EBF1: variants seen among roughly 807,000 people sequenced by gnomAD.
EBF1 encodes the protein transcription factor COE1.
In EBF1, 10 loss-of-function variants were observed where a neutral mutation model predicts 68.4. The ratio of observed to expected loss-of-function variants is 0.15; its 90% confidence interval spans 0.09 to 0.25. The LOEUF is 0.25. Among genes scored for constraint, EBF1 ranks in the 10% least tolerant of loss-of-function variants. The probability of loss-of-function intolerance (pLI) is 1.00; values close to 1 mark genes in which losing one functional copy is unlikely to be tolerated. For synonymous variants in EBF1, 298 were observed against 299.8 expected, an observed-to-expected ratio of 0.99 and a Z score of 0.06; for missense variants, 509 against 794.4, an observed-to-expected ratio of 0.64 and a Z score of 4.32.
intron 6 of EBF1, among the ~76,000 whole-genome samples, chr5:158,943,153 C>T (rs977174030): frequency 5.9e-5 from 9 of 152,150 alleles, no homozygotes; most frequent in South Asian, 2.1e-4. Context: ...AGTCATCTGA[C>T]GAATTGAATC....
intron 6 of EBF1, among the ~76,000 whole-genome samples, chr5:159,039,728 C>T (rs1269080029): frequency 2.0e-5 from 3 of 152,168 alleles, no homozygotes; most frequent in Admixed American, 6.5e-5. Flanking sequence ...TTCTCAAGGG[C>T]CCTGGGAAGA....
chr5:158,990,717 A>G (rs1760135683), intron 6 of EBF1, among the ~76,000 whole-genome samples: 1 of 152,156 alleles, frequency 6.6e-6, no homozygotes, highest in South Asian at 2.1e-4. Flanking sequence ...ATCCACAGTA[A>G]CTCTTAATGG....
intron 5 of EBF1, among the ~76,000 whole-genome samples, chr5:159,083,684 C>T (rs1028929367): frequency 1.3e-5 from 2 of 152,322 alleles, no homozygotes; most frequent in East Asian, 1.9e-4. Flanking sequence ...GCAAATAAAG[C>T]CCATCCATGC....
rs1562086532 is a variant in EBF1 at position 158,840,666 on chromosome 5, TTTTTTTG to T, written c.555-563_555-557del. ...TCCTGTTTTTTTTTTTTTTTTTTTTTTTTTTTGTTTTTTTTTTTTTTTTGAGACGGAG... is the reference window on the plus strand; with the variant it reads ...TCCTGTTTTTTTTTTTTTTTTTTTTTTTTTTTTTTTTTTTTTGAGACGGAG... On this transcript the variant is annotated intron_variant, in intron 6 of 15. Transcript: ENST00000313708. 8.0e-4 allele frequency among the ~76,000 whole-genome samples: 58 copies of T among 72,250 alleles called. 7 individuals carry two copies. Among genetic ancestry groups the T allele is most frequent in the Non-Finnish European group, 1.3e-3 (42 of 33,092 alleles). The allele number at this position is 72,250 out of a possible 152,430, so 47.4% of individuals were successfully genotyped here. A position where few individuals can be genotyped will look rare whatever the true frequency, so the allele number is the denominator to read the frequency against.
At chr5:158,965,117 G>C (rs1753852743) in intron 6 of EBF1, among the ~76,000 whole-genome samples, 1 of 152,172 alleles carries the variant, frequency 6.6e-6, no homozygotes, top group Non-Finnish European at 1.5e-5. Flanking sequence ...CGTTATGTAA[G>C]TTTTGTGCTC....
intron 11 of EBF1, among the ~76,000 whole-genome samples, chr5:158,715,609 G>A (rs1760495063): frequency 6.6e-6 from 1 of 152,182 alleles, no homozygotes; most frequent in South Asian, 2.1e-4. Context: ...TATTTTTCAT[G>A]TAGGGAGTAA....
chr5:158,796,591 T>C (rs1186657223), intron 8 of EBF1, 116 bp from the exon 9 acceptor site: 3 of 1,263,292 alleles, frequency 2.4e-6, no homozygotes, highest in East Asian at 5.1e-5. Flanking sequence ...TAACAGAAAG[T>C]CCCTCAAGAT....
chr5:158,752,986 T>C (rs760254685), intron 10 of EBF1, among the ~76,000 whole-genome samples: 29 of 152,106 alleles, frequency 1.9e-4, no homozygotes, highest in Non-Finnish European at 3.5e-4. Flanking sequence ...AGAAAGGGTA[T>C]GTTCTTTAAA....
intron 1 of EBF1, among the ~76,000 whole-genome samples, chr5:159,098,579 G>A (rs1266836801): frequency 6.6e-6 from 1 of 151,666 alleles, no homozygotes; most frequent in Admixed American, 6.6e-5. Context: ...GAGGGAAGCT[G>A]AAGAAAGAAG....
chr5:158,731,217 G>A (rs1385743834), intron 10 of EBF1, 60 bp from the exon 11 acceptor site: 70 of 1,493,310 alleles, frequency 4.7e-5, no homozygotes, highest in Non-Finnish European at 6.3e-5. Flanking sequence ...AACATGGCTT[G>A]CAACACTAAT....
At chr5:158,735,039 A>G (rs1192576829) in intron 10 of EBF1, among the ~76,000 whole-genome samples, 4 of 152,210 alleles carry the variant, frequency 2.6e-5, no homozygotes, top group Admixed American at 2.0e-4. Flanking sequence ...TAAATTATCC[A>G]TTTATTCAGT....
rs143293628 is a variant in EBF1, at chr5:158,795,424, A to G, written c.909+921T>C. Among the ~76,000 whole-genome samples, 457 of 152,348 alleles carry G rather than the reference A, an allele frequency of 3.0e-3. 2 individuals are homozygous for G. The highest frequency in any genetic ancestry group is 5.0e-3 in the Non-Finnish European group (340 of 68,030). ...AAAGAAGGGTGAGATGATCTACCTC[A>G]AGGTTTAGCACATTGCCTAGCATAT... On this transcript the variant is annotated intron_variant, in intron 9 of 15. Coordinates refer to ENST00000313708, the MANE Select transcript of EBF1 (RefSeq NM_024007.5).
rs78903366 is a variant in EBF1 at position 158,695,989 on chromosome 5, A to C, written c.*3122T>G. On this transcript the variant is annotated 3_prime_UTR_variant, in exon 16 of 16. Transcript: ENST00000313708. ...AAGTTTTTACAGCTTGAATTTTTGC[A>C]AAAAAAAAAAAAAAATTTAACAATC... is the stretch of plus-strand genomic sequence containing the variant. The C allele has an allele frequency of 3.0e-5, 3 of 99,080 alleles. No individual in the cohort carries two copies. Among genetic ancestry groups the C allele is most frequent in the African/African-American group, 6.8e-5 (1 of 14,716 alleles). 6.1% of individuals were successfully genotyped at this position (99,080 alleles called of 1,614,324 possible).
intron 6 of EBF1, among the ~76,000 whole-genome samples, chr5:158,942,743 C>T (rs1813709024): frequency 6.6e-6 from 1 of 151,700 alleles, no homozygotes; most frequent in Admixed American, 6.6e-5. Flanking sequence ...AATAGAGTGG[C>T]CATCTAGAAA....
At chr5:158,740,474 A>G (rs903700637) in intron 10 of EBF1, among the ~76,000 whole-genome samples, 1 of 152,340 alleles carries the variant, frequency 6.6e-6, no homozygotes, top group Admixed American at 6.5e-5. Flanking sequence ...CTGGAAAGGA[A>G]AAAACAAATC....
At chr5:158,734,391 C>A (rs930564762) in intron 10 of EBF1, among the ~76,000 whole-genome samples, 1 of 152,010 alleles carries the variant, frequency 6.6e-6, no homozygotes, top group Admixed American at 6.5e-5. Context: ...TCTGTATACC[C>A]TTTAATAACC....
chr5:158,931,021 T>C (rs1810773672), intron 6 of EBF1, among the ~76,000 whole-genome samples: 1 of 152,252 alleles, frequency 6.6e-6, no homozygotes, highest in African/African-American at 2.4e-5. Context: ...TTATAAGCAA[T>C]GCTTTGCTGA....
intron 6 of EBF1, among the ~76,000 whole-genome samples, chr5:158,960,017 G>A (rs1238060907): frequency 1.3e-5 from 2 of 152,090 alleles, no homozygotes; most frequent in African/African-American, 4.8e-5. Context: ...GCTCCAGTCT[G>A]GAAGACATAA....
At chr5:159,094,083 C>A (rs1782113272) in intron 4 of EBF1, among the ~76,000 whole-genome samples, 2 of 137,306 alleles carry the variant, frequency 1.5e-5, no homozygotes, top group Admixed American at 1.5e-4. Context: ...AAACAAAACT[C>A]CACTTAAGAC....
Sources: gnomAD v4.1 joint callset for allele counts (sites outside exome capture counted in the v4.1 genomes callset) on GRCh38, gnomAD v4.1.1 for gene constraint, MANE v1.5 for transcripts, NCBI Gene and HGNC (gene_info 2026-07-23, HGNC 2026-07-21) for gene names.